The following PACRG variants were observed in gnomAD, a reference collection of about 807,000 sequenced individuals.
The protein encoded by PACRG is parkin coregulated gene protein.
Under a neutral mutation model 29.7 loss-of-function variants are expected in PACRG, and 29 were observed. The observed-to-expected ratio is 0.98, with a 90% CI of 0.73 to 1.33. The LOEUF (loss-of-function observed/expected upper bound fraction) is 1.33. Among genes scored for constraint, PACRG ranks in the 40% most tolerant of loss-of-function variants. PACRG has a pLI of 0.00. For missense variants in PACRG, 279 were observed against 316.2 expected (o/e 0.88, Z 0.89); for synonymous variants, 116 against 118.7 (o/e 0.98, Z 0.15).
chr6:162,933,205 A>T (rs1465431721), intron 2 of PACRG, among the ~76,000 whole-genome samples: 2 of 152,084 alleles, frequency 1.3e-5, no homozygotes, highest in Admixed American at 1.3e-4. Flanking sequence ...TTACATTGTG[A>T]TGTGAGAAAA....
rs1562556880 is a variant in PACRG, at chr6:162,747,398, A to ATG, written c.156+19008_156+19009insGT. 4.0e-4 allele frequency among the ~76,000 whole-genome samples: 7 copies of ATG among 17,666 alleles called. 1 individual carries two copies. The highest frequency in any genetic ancestry group is 0.01 in the South Asian group (2 of 198). The allele number at this position is 17,666 out of a possible 152,430, so 11.6% of individuals were successfully genotyped here. On this transcript the variant is annotated intron_variant, in intron 1 of 4. Transcript: ENST00000366888. ...TATATATGTATATATATGTATATAT[A>ATG]TATGTATATATATATATAACTATAA...
chr6:163,248,402 C>A (rs112723506), intron 4 of PACRG, among the ~76,000 whole-genome samples: 3 of 132,428 alleles, frequency 2.3e-5, no homozygotes, highest in Non-Finnish European at 4.7e-5. Context: ...TGTTGGTTTG[C>A]GGGGCAAGAG....
chr6:162,852,004 G>GAC (rs57306089), intron 2 of PACRG, among the ~76,000 whole-genome samples: 1 of 137,620 alleles, frequency 7.3e-6, no homozygotes. Context: ...AGGGAGGGAG[G>GAC]GAGGAAGGAA....
chr6:163,006,150 ATATAT>A (rs892737210), intron 2 of PACRG, among the ~76,000 whole-genome samples: 253 of 142,750 alleles, frequency 1.8e-3, no homozygotes, highest in Non-Finnish European at 3.2e-3. Context: ...ATTATATATA[ATATAT>A]TATATATAAT....
chr6:163,078,599 TGTCATCATTATCATC>T lies in PACRG; in HGVS notation c.464-10644_464-10630del, dbSNP rs796688620. Among the ~76,000 whole-genome samples, 13 of 152,202 alleles carry T rather than the reference TGTCATCATTATCATC, an allele frequency of 8.5e-5. No individual in the cohort carries two copies. The South Asian group carries it at 1.5e-3, about 17-fold the overall frequency. On this transcript the variant is annotated intron_variant, in intron 3 of 4. Coordinates refer to ENST00000366888, the MANE Select transcript of PACRG (RefSeq NM_001080379.2). ...TATGTAAGGTTATAAGTGTTATCATTGTCATCATTATCATCGTCATCATTATCATCATCATCATCA... is the reference window on the plus strand; with the variant it reads ...TATGTAAGGTTATAAGTGTTATCATTGTCATCATTATCATCATCATCATCA...
intron 4 of PACRG, among the ~76,000 whole-genome samples, chr6:163,211,615 G>A (rs1020367478): frequency 6.6e-6 from 1 of 152,082 alleles, no homozygotes; most frequent in East Asian, 1.9e-4. Context: ...TAAATCAATT[G>A]CGCATAATAA....
intron 2 of PACRG, among the ~76,000 whole-genome samples, chr6:162,823,857 A>G (rs905450023): frequency 3.3e-5 from 5 of 152,068 alleles, no homozygotes; most frequent in Non-Finnish European, 7.4e-5. Context: ...GGATCTATCC[A>G]TTACTGCCAC....
chr6:162,859,388 A>G (rs1791667313), intron 2 of PACRG, among the ~76,000 whole-genome samples: 2 of 152,216 alleles, frequency 1.3e-5, no homozygotes, highest in East Asian at 1.9e-4. Context: ...GTTTCTATAC[A>G]TGAACCCAAA....
chr6:162,868,004 T>G (rs13196605), intron 2 of PACRG, among the ~76,000 whole-genome samples: 18,063 of 152,304 alleles, frequency 0.12, 1,365 homozygotes, highest in African/African-American at 0.21. Flanking sequence ...AGCTTTGTAT[T>G]GCAGGCGCCA....
At chr6:162,942,377 T>C (rs926287510) in intron 2 of PACRG, among the ~76,000 whole-genome samples, 23 of 152,196 alleles carry the variant, frequency 1.5e-4, no homozygotes, top group Non-Finnish European at 8.8e-5. Context: ...TTTCTTTCTG[T>C]TTCATGCATC....
rs1388240744 is a variant in PACRG at position 163,218,343 on chromosome 6, C to A, written c.614-96484C>A. On this transcript the variant is annotated intron_variant, in intron 4 of 4. Transcript: ENST00000366888. Reference sequence around the variant, plus strand: ...TGTTATCTACCCAAGAAGTTAATTTCTATAATTATTCCACTTTCTACTGCA... The same window carrying A: ...TGTTATCTACCCAAGAAGTTAATTTATATAATTATTCCACTTTCTACTGCA... Among the ~76,000 whole-genome samples the A allele has an allele frequency of 2.0e-5, 3 of 152,152 alleles. No homozygotes were observed. In the East Asian group the frequency reaches 5.8e-4, roughly 29 times the overall value.
intron 2 of PACRG, among the ~76,000 whole-genome samples, chr6:162,987,766 G>T (rs113664547): frequency 6.9e-4 from 105 of 152,304 alleles, no homozygotes; most frequent in African/African-American, 2.4e-3. Flanking sequence ...GGTGGCAGGG[G>T]ATTGAAGTAG....
chr6:163,012,947 A>C (rs1202187172), intron 2 of PACRG, among the ~76,000 whole-genome samples: 1 of 152,226 alleles, frequency 6.6e-6, no homozygotes, highest in Non-Finnish European at 1.5e-5. Flanking sequence ...ATATCTATAC[A>C]TGGTTAATAA....
upstream of PACRG, chr6:162,727,936 C>G: frequency 3.4e-6 from 2 of 590,532 alleles, no homozygotes; most frequent in Non-Finnish European, 6.0e-6. Context: ...CTTACGTCAC[C>G]GGGGGGCGGG....
intron 4 of PACRG, among the ~76,000 whole-genome samples, chr6:163,133,857 G>A (rs9458728): frequency 0.26 from 39,071 of 152,040 alleles, 6,630 homozygotes; most frequent in African/African-American, 0.49. Context: ...GAATTTTACC[G>A]TTCATCTTAA....
intron 2 of PACRG, among the ~76,000 whole-genome samples, chr6:162,959,110 G>A (rs1455232749): frequency 1.3e-5 from 2 of 150,092 alleles, no homozygotes; most frequent in African/African-American, 2.5e-5. Flanking sequence ...TGGAGATGGG[G>A]TTCTCATTAT....
intron 2 of PACRG, among the ~76,000 whole-genome samples, chr6:162,908,763 A>G (rs906310286): frequency 2.6e-5 from 4 of 152,206 alleles, no homozygotes; most frequent in Non-Finnish European, 2.9e-5. Context: ...AGCCAGAATC[A>G]GGGGCCCACT....
intron 2 of PACRG, among the ~76,000 whole-genome samples, chr6:163,026,205 T>C (rs1219897975): frequency 6.6e-6 from 1 of 152,210 alleles, no homozygotes; most frequent in East Asian, 1.9e-4. Flanking sequence ...TTTATCTCAC[T>C]GAAAGCCTTG....
chr6:163,293,264 T>C (rs1009762485), intron 4 of PACRG, among the ~76,000 whole-genome samples: 5 of 152,194 alleles, frequency 3.3e-5, no homozygotes, highest in African/African-American at 1.2e-4. Context: ...CTGGCAGGGA[T>C]GGCAGCATTG....
Sources: allele counts gnomAD v4.1 joint callset (sites outside exome capture counted in the v4.1 genomes callset), GRCh38; gene constraint gnomAD v4.1.1; transcripts MANE v1.5; gene names NCBI Gene and HGNC (gene_info 2026-07-23, HGNC 2026-07-21).